The following ADARB2 variants were observed in gnomAD, a reference collection of about 807,000 sequenced individuals.
ADARB2 encodes the protein inactive double-stranded RNA-specific editase B2.
A neutral mutation model predicts 62.2 loss-of-function variants in ADARB2; 25 were observed. That is an observed-to-expected ratio of 0.40 (90% CI 0.29 to 0.56). The LOEUF is 0.56. Among genes scored for constraint, ADARB2 ranks in the 20% least tolerant of loss-of-function variants. The probability of loss-of-function intolerance (pLI) is 0.43; values close to 1 mark genes in which losing one functional copy is unlikely to be tolerated. For synonymous variants in ADARB2, 572 were observed against 500.8 expected (o/e 1.14, Z -1.90); for missense variants, 1,071 against 1,077.4 (o/e 0.99, Z 0.08).
At chr10:1,349,106 C>T (rs191044968) in intron 3 of ADARB2, among the ~76,000 whole-genome samples, 24 of 152,280 alleles carry the variant, frequency 1.6e-4, no homozygotes, top group African/African-American at 5.3e-4. Flanking sequence ...TAACTGATGA[C>T]ATTCCACCAC....
At chr10:1,513,451 C>T (rs968461930) in intron 1 of ADARB2, among the ~76,000 whole-genome samples, 13 of 152,184 alleles carry the variant, frequency 8.5e-5, no homozygotes, top group African/African-American at 1.9e-4. Flanking sequence ...CGATGACGGC[C>T]GTCCTCCGTG....
chr10:1,595,837 C>A (rs1281827814), intron 1 of ADARB2, among the ~76,000 whole-genome samples: 1 of 152,226 alleles, frequency 6.6e-6, no homozygotes, highest in Non-Finnish European at 1.5e-5. Context: ...GCCCTAGGCC[C>A]AGCAGCTTTG....
chr10:1,672,681 CACTTCCCTTTCCTCCTTCCA>C (rs1834405306), intron 1 of ADARB2, among the ~76,000 whole-genome samples: 4 of 151,094 alleles, frequency 2.6e-5, no homozygotes, highest in Non-Finnish European at 3.0e-5. Flanking sequence ...TCCACGCACG[CACTTCCCTTTCCTCCTTCCA>C]GGCCCCCCGC....
At chr10:1,187,261 G>C (rs1001764886) in intron 8 of ADARB2, among the ~76,000 whole-genome samples, 3 of 152,252 alleles carry the variant, frequency 2.0e-5, no homozygotes, top group Non-Finnish European at 4.4e-5. Context: ...GGCAGGAGGA[G>C]CCAGCCACCA....
At chr10:1,735,406 T>TC (rs1411365009) in intron 1 of ADARB2, among the ~76,000 whole-genome samples, 4 of 152,306 alleles carry the variant, frequency 2.6e-5, no homozygotes, top group African/African-American at 9.6e-5. Context: ...GGCAACACTT[T>TC]CCTCCTGTTT....
At chr10:1,474,156 C>T (rs1244414551) in intron 1 of ADARB2, among the ~76,000 whole-genome samples, 6 of 152,096 alleles carry the variant, frequency 3.9e-5, no homozygotes, top group African/African-American at 7.2e-5. Context: ...ATGGCCTTCG[C>T]GTGTATCTCA....
intron 1 of ADARB2, among the ~76,000 whole-genome samples, chr10:1,402,408 G>C (rs1832672644): frequency 6.6e-6 from 1 of 152,188 alleles, no homozygotes. Context: ...GAATAGAACA[G>C]AGGGAGTTTC....
At position 1,363,782 on chromosome 10, in the gene ADARB2, C is replaced by T. The variant is rs376882828; in HGVS notation, c.323G>A (p.Gly108Asp). The change falls in exon 3 of 10, where the codon GGC (glycine) becomes GAC (aspartate). Residue 108 changes from glycine to aspartate, a missense_variant. By Grantham distance (94) the Gly-to-Asp change is moderately conservative. Transcript: ENST00000381312. ...RKRPLEEGNG[G>D]HLCKLQLVWK... is the part of the protein sequence containing the mutation. The stretch of plus-strand genomic sequence containing the variant: ...GACCAGCTGCAGTTTGCACAAGTGG[C>T]CCCCATTCCCCTCCTCCAGCGGCCG... 5.6e-5 allele frequency: 89 copies of T among 1,600,664 alleles called. No individual in the cohort carries two copies. In the African/African-American group the frequency reaches 6.3e-4, roughly 11 times the overall value.
At chr10:1,200,293 C>A (rs1262675563) in intron 7 of ADARB2, 146 bp from the exon 8 acceptor site, 1 of 1,021,162 alleles carries the variant, frequency 9.8e-7, no homozygotes, top group African/African-American at 1.6e-5. Context: ...TGCCCCAGAC[C>A]CAACCCAGCC....
chr10:1,210,195 A>G (rs1837130711), intron 7 of ADARB2, among the ~76,000 whole-genome samples: 2 of 152,230 alleles, frequency 1.3e-5, no homozygotes, highest in Admixed American at 6.5e-5. Flanking sequence ...GGGAAATTGC[A>G]AAGAGAATGA....
In ADARB2 at chr10:1,351,409, T is replaced by C. The variant is rs576475479; in HGVS notation, c.1077+11619A>G. Among the ~76,000 whole-genome samples, 31 of 151,908 alleles carry C rather than the reference T, an allele frequency of 2.0e-4. 1 individual carries two copies. Among genetic ancestry groups the C allele is most frequent in the South Asian group, 8.4e-4 (4 of 4,754 alleles). ...TTGTAGGTATTGACGGCCAGGCTTC[T>C]AAACCTCTTAAAACTCCCCAACTCT... On this transcript the variant is annotated intron_variant, in intron 3 of 9. Coordinates refer to ENST00000381312, the MANE Select transcript of ADARB2 (RefSeq NM_018702.4).
At chr10:1,298,152 G>T (rs941720386) in intron 3 of ADARB2, among the ~76,000 whole-genome samples, 4 of 152,168 alleles carry the variant, frequency 2.6e-5, no homozygotes, top group South Asian at 2.1e-4. Context: ...CCTCCCACAT[G>T]CCAGGCAGCA....
At position 1,385,124 on chromosome 10, in the gene ADARB2, T is replaced by A. The variant is rs150492327; in HGVS notation, c.101-5964A>T. ...ATTTCAACTAGAAACTGGTCAGTAATAAACTACCCTTGGTCAGTAATAATC... is the reference window on the plus strand; with the variant it reads ...ATTTCAACTAGAAACTGGTCAGTAAAAAACTACCCTTGGTCAGTAATAATC... On this transcript the variant is annotated intron_variant, in intron 1 of 9. Transcript: ENST00000381312. Among the ~76,000 whole-genome samples, 636 of 152,216 alleles carry A rather than the reference T, an allele frequency of 4.2e-3. 3 individuals carry two copies. The highest frequency in any genetic ancestry group is 0.01 in the Middle Eastern group (3 of 294).
chr10:1,275,536 T>G (rs1367855571), intron 3 of ADARB2, among the ~76,000 whole-genome samples: 3 of 152,158 alleles, frequency 2.0e-5, no homozygotes, highest in Non-Finnish European at 4.4e-5. Context: ...ATTTAAGTTT[T>G]AGGGTACATG....
chr10:1,501,837 G>A (rs1276297360), intron 1 of ADARB2, among the ~76,000 whole-genome samples: 2 of 152,208 alleles, frequency 1.3e-5, no homozygotes, highest in African/African-American at 4.8e-5. Context: ...AACCTGGAGG[G>A]CAGAAATTCA....
chr10:1,308,567 A>C (rs1432957632), intron 3 of ADARB2, among the ~76,000 whole-genome samples: 1 of 152,204 alleles, frequency 6.6e-6, no homozygotes, highest in Non-Finnish European at 1.5e-5. Flanking sequence ...GTTTCATAAG[A>C]AAATGCCACG....
chr10:1,209,255 A>G (rs1489648199), intron 7 of ADARB2, among the ~76,000 whole-genome samples: 1 of 150,936 alleles, frequency 6.6e-6, no homozygotes, highest in East Asian at 1.9e-4. Flanking sequence ...CTGCACTATC[A>G]CTGACACCCA....
intron 1 of ADARB2, among the ~76,000 whole-genome samples, chr10:1,510,165 T>C (rs1333151186): frequency 7.7e-6 from 1 of 129,512 alleles, no homozygotes; most frequent in Non-Finnish European, 1.7e-5. Context: ...TCTTTCTTTC[T>C]TTCTTTTTCT....
intron 1 of ADARB2, among the ~76,000 whole-genome samples, chr10:1,386,712 A>AT (rs1345645741): frequency 1.3e-5 from 2 of 151,976 alleles, no homozygotes; most frequent in Non-Finnish European, 2.9e-5. Flanking sequence ...CTAGTTTGAG[A>AT]TTTTAACATT....
Sources: gnomAD v4.1 joint callset for allele counts (sites outside exome capture counted in the v4.1 genomes callset) on GRCh38, gnomAD v4.1.1 for gene constraint, MANE v1.5 for transcripts, NCBI Gene and HGNC (gene_info 2026-07-23, HGNC 2026-07-21) for gene names.